BRIP1: variants seen among roughly 807,000 people sequenced by gnomAD.
BRIP1 encodes BRCA1 interacting DNA helicase 1, also known as Fanconi anemia group J protein.
A neutral mutation model predicts 119.7 loss-of-function variants in BRIP1; 88 were observed. The ratio of observed to expected loss-of-function variants is 0.74; its 90% CI spans 0.62 to 0.88. BRIP1 has a LOEUF of 0.88. BRIP1 is among the 40% of genes least tolerant of loss of function. The pLI is 0.00. For synonymous variants in BRIP1, 443 were observed against 496.5 expected, an observed-to-expected ratio of 0.89 and a Z score of 1.43; for missense variants, 1,259 against 1,455.4, an observed-to-expected ratio of 0.87 and a Z score of 2.20.
chr17:61,771,182 T>C (rs2077442785), intron 14 of BRIP1, among the ~76,000 whole-genome samples: 2 of 152,344 alleles, frequency 1.3e-5, no homozygotes, highest in South Asian at 4.1e-4. Flanking sequence ...TCACATATTG[T>C]ATGATTCAAT....
In BRIP1 at chr17:61,757,349, A is replaced by G. The variant is rs528904213; in HGVS notation, c.2098-12758T>C. Among the ~76,000 whole-genome samples the G allele has an allele frequency of 2.0e-5, 3 of 152,336 alleles. No homozygotes were observed. The highest frequency in any genetic ancestry group is 2.0e-4 in the Admixed American group (3 of 15,298). Reference sequence around the variant, plus strand: ...GTTATATTTCAGAATCAAACTTTCAATGAACACAGGTGCAGTTGGAGGTGC... The same window carrying G: ...GTTATATTTCAGAATCAAACTTTCAGTGAACACAGGTGCAGTTGGAGGTGC... On this transcript the variant is annotated intron_variant, in intron 14 of 19. Transcript: ENST00000259008. The surrounding 1 kb of genome is among the most constrained non-coding windows in gnomAD (Gnocchi z 4.3).
At position 61,748,853 on chromosome 17, in the gene BRIP1, G is replaced by A. The variant is rs2077093327; in HGVS notation, c.2098-4262C>T. Among the ~76,000 whole-genome samples the A allele has an allele frequency of 6.6e-6, 1 of 152,140 alleles. No homozygotes were observed. The highest frequency in any genetic ancestry group is 2.1e-4 in the South Asian group (1 of 4,828). On this transcript the variant is annotated intron_variant, in intron 14 of 19. Transcript: ENST00000259008. The surrounding 1 kb of genome is among the most constrained non-coding windows in gnomAD (Gnocchi z 4.7). The stretch of plus-strand genomic sequence containing the variant: ...AGACTTAAATGTAAGATTTCAAACT[G>A]TTGGCTGGGCGCAGTGGCTCATGCC...
Position 61,847,230 on chromosome 17 carries a change from C to T in BRIP1, c.508-10G>A, listed in dbSNP as rs2078749443. 6.2e-7 allele frequency: 1 copy of T among 1,613,652 alleles called. No individual in the cohort carries two copies. Among genetic ancestry groups the T allele is most frequent in the Non-Finnish European group, 8.5e-7 (1 of 1,179,716 alleles). ...AATGACGTTTTCTAATCTGTAAACA[C>T]AGAACCAAAATGAAGTTTAAGGTGA... is the stretch of plus-strand genomic sequence containing the variant. On this transcript the variant is annotated splice_polypyrimidine_tract_variant and intron_variant, in intron 5 of 19. Transcript: ENST00000259008.
Position 61,857,383 on chromosome 17 carries a change from C to A in BRIP1, c.206-152G>T. ...AAGGTACCTGGCAAACCTGGACAAGCTGGTCACTTTATCTGCAGCATCAAA... is the reference window on the plus strand; with the variant it reads ...AAGGTACCTGGCAAACCTGGACAAGATGGTCACTTTATCTGCAGCATCAAA... On this transcript the variant is annotated intron_variant, in intron 3 of 19. Coordinates refer to ENST00000259008, the MANE Select transcript of BRIP1 (RefSeq NM_032043.3). This position sits in a 1 kb window ranked among gnomAD's most constrained non-coding sequence, Gnocchi z 5.1. 1 of 661,886 alleles carries A rather than the reference C, an allele frequency of 1.5e-6. No homozygotes were observed. Among genetic ancestry groups the A allele is most frequent in the South Asian group, 2.3e-5 (1 of 44,292 alleles). 41.0% of individuals were successfully genotyped at this position (661,886 alleles called of 1,614,324 possible).
Position 61,789,157 on chromosome 17 carries a change from C to T in BRIP1, c.1473+4440G>A, listed in dbSNP as rs1006373387. Among the ~76,000 whole-genome samples, 5 of 151,848 alleles carry T rather than the reference C, an allele frequency of 3.3e-5. No homozygotes were observed. Among genetic ancestry groups the T allele is most frequent in the African/African-American group, 1.2e-4 (5 of 41,322 alleles). Reference sequence around the variant, plus strand: ...TAATGCATGCCTGTAGTCCCAGCTACTGAGCAGGCTATGGCAGGAGGATCC... The same window carrying T: ...TAATGCATGCCTGTAGTCCCAGCTATTGAGCAGGCTATGGCAGGAGGATCC... On this transcript the variant is annotated intron_variant, in intron 10 of 19. Transcript: ENST00000259008. The surrounding 1 kb of genome is among the most constrained non-coding windows in gnomAD (Gnocchi z 4.8).
At chr17:61,777,590 C>G (rs1411973447) in intron 13 of BRIP1, among the ~76,000 whole-genome samples, 1 of 152,116 alleles carries the variant, frequency 6.6e-6, no homozygotes, top group African/African-American at 2.4e-5. Flanking sequence ...TTTGGTAGAG[C>G]TGCTCACAGA....
At position 61,745,386 on chromosome 17, in the gene BRIP1, T is replaced by C. The variant is rs753912055; in HGVS notation, c.2098-795A>G. 5.9e-5 allele frequency among the ~76,000 whole-genome samples: 9 copies of C among 152,168 alleles called. No individual in the cohort carries two copies. The highest frequency in any genetic ancestry group is 1.3e-4 in the Non-Finnish European group (9 of 68,010). On this transcript the variant is annotated intron_variant, in intron 14 of 19. Coordinates refer to ENST00000259008, the MANE Select transcript of BRIP1 (RefSeq NM_032043.3). This position sits in a 1 kb window ranked among gnomAD's most constrained non-coding sequence, Gnocchi z 4.4. Reference sequence around the variant, plus strand: ...AAACTCATCTTGATTGATTGATTGATTTTAGAGACAGGGTCTCTGTCACCC... The same window carrying C: ...AAACTCATCTTGATTGATTGATTGACTTTAGAGACAGGGTCTCTGTCACCC...
chr17:61,786,602 A>G, intron 10 of BRIP1, among the ~76,000 whole-genome samples: 1 of 146,660 alleles, frequency 6.8e-6, no homozygotes, highest in South Asian at 2.1e-4. Flanking sequence ...TATAATAAAA[A>G]TATAATATAT....
In BRIP1 at chr17:61,847,110, C is replaced by T. The variant is rs367614726; in HGVS notation, c.618G>A (p.Ser206=). ...NSPLEKINSF[S]PQKPPGHCSR... Reference sequence around the variant, plus strand: ...TGGCATTAATACATACTTTCTGTGGCGAAAAGGAGTTTATCTTTTCCAGTG... The same window carrying T: ...TGGCATTAATACATACTTTCTGTGGTGAAAAGGAGTTTATCTTTTCCAGTG... The change falls in exon 6 of 20, where the codon TCG becomes TCA. Residue 206 remains serine (S), a synonymous_variant. Transcript: ENST00000259008. The T allele has an allele frequency of 3.5e-5, 57 of 1,613,764 alleles. No individual in the cohort carries two copies. The South Asian group carries it at 4.4e-4, about 12-fold the overall frequency.
At chr17:61,859,220 C>T (rs769261644) in intron 3 of BRIP1, among the ~76,000 whole-genome samples, 3 of 149,664 alleles carry the variant, frequency 2.0e-5, no homozygotes, top group Non-Finnish European at 4.4e-5. Context: ...AACAGGTAAG[C>T]AAATATATTA....
chr17:61,836,449 GT>G (rs1301880481), intron 6 of BRIP1, among the ~76,000 whole-genome samples: 9 of 152,078 alleles, frequency 5.9e-5, no homozygotes, highest in Non-Finnish European at 1.3e-4. Context: ...TAAGTCACCT[GT>G]ATTTAACAAT....
At position 61,793,984 on chromosome 17, in the gene BRIP1, G is replaced by A. The variant is rs2077861747; in HGVS notation, c.1341-255C>T. Among the ~76,000 whole-genome samples the A allele has an allele frequency of 6.6e-6, 1 of 152,090 alleles. No homozygotes were observed. Among genetic ancestry groups the A allele is most frequent in the South Asian group, 2.1e-4 (1 of 4,820 alleles). On this transcript the variant is annotated intron_variant, in intron 9 of 19. Transcript: ENST00000259008. This position sits in a 1 kb window ranked among gnomAD's most constrained non-coding sequence, Gnocchi z 5.2. Reference sequence around the variant, plus strand: ...CATATGATTTCCCACTTGTTTTGTGGATTCACATTGCTTTACTTAGCTAAT... The same window carrying A: ...CATATGATTTCCCACTTGTTTTGTGAATTCACATTGCTTTACTTAGCTAAT...
At chr17:61,781,803 C>T (rs534986402) in intron 11 of BRIP1, among the ~76,000 whole-genome samples, 1 of 151,520 alleles carries the variant, frequency 6.6e-6, no homozygotes, top group Admixed American at 6.6e-5. Context: ...CGCCTGTAAC[C>T]CCAGCTACTC....
rs1424168375 is a variant in BRIP1, at chr17:61,700,661, A to G, written c.2493-7149T>C. ...AGTTCATCCTACTTGGAGTTCGCTTATCTTCTTGGATGTATAAATTAACGT... is the reference window on the plus strand; with the variant it reads ...AGTTCATCCTACTTGGAGTTCGCTTGTCTTCTTGGATGTATAAATTAACGT... On this transcript the variant is annotated intron_variant, in intron 17 of 19. Transcript: ENST00000259008. The surrounding 1 kb of genome is among the most constrained non-coding windows in gnomAD (Gnocchi z 4.1). Among the ~76,000 whole-genome samples the G allele has an allele frequency of 2.0e-5, 3 of 152,122 alleles. No individual in the cohort carries two copies. The highest frequency in any genetic ancestry group is 7.2e-5 in the African/African-American group (3 of 41,416).
intron 16 of BRIP1, among the ~76,000 whole-genome samples, chr17:61,741,715 T>C (rs1330555356): frequency 6.6e-6 from 1 of 152,218 alleles, no homozygotes; most frequent in East Asian, 1.9e-4. Context: ...ATAATGGACT[T>C]AAAATATTCA....
chr17:61,832,528 G>GCAA lies in BRIP1; in HGVS notation c.627+14570_627+14572dup, dbSNP rs1370183104. 1.3e-5 allele frequency among the ~76,000 whole-genome samples: 2 copies of GCAA among 152,176 alleles called. No homozygotes were observed. Among genetic ancestry groups the GCAA allele is most frequent in the Non-Finnish European group, 2.9e-5 (2 of 68,020 alleles). Reference sequence around the variant, plus strand: ...GAAACTGCGTGCCACCTTATAAGATGCAATGAGCAGAAGGCATCACTTCTG... The same window carrying GCAA: ...GAAACTGCGTGCCACCTTATAAGATGCAACAATGAGCAGAAGGCATCACTTCTG... On this transcript the variant is annotated intron_variant, in intron 6 of 19. Transcript: ENST00000259008. The surrounding 1 kb of genome is among the most constrained non-coding windows in gnomAD (Gnocchi z 5.5).
intron 6 of BRIP1, among the ~76,000 whole-genome samples, chr17:61,811,566 G>A (rs1469185504): frequency 6.6e-6 from 1 of 151,906 alleles, no homozygotes; most frequent in African/African-American, 2.4e-5. Flanking sequence ...TAAGGTATAA[G>A]GTGGAAATTA....
Position 61,849,284 on chromosome 17 carries a change from C to T in BRIP1, c.380-28G>A, listed in dbSNP as rs4988343. ...TATATAAGTAATTTAAAAAAAACAG[C>T]ATAAATAACTTACAGGTAGGCAATT... is the stretch of plus-strand genomic sequence containing the variant. On this transcript the variant is annotated intron_variant, in intron 4 of 19. Transcript: ENST00000259008. 17,935 of 1,598,142 alleles carry T rather than the reference C, an allele frequency of 0.011. 125 individuals carry two copies. The highest frequency in any genetic ancestry group is 0.014 in the Middle Eastern group (73 of 5,382).
At chr17:61,733,864 GT>G (rs35819624) in intron 16 of BRIP1, among the ~76,000 whole-genome samples, 110,772 of 151,874 alleles carry the variant, frequency 0.73, 41,008 homozygotes, top group Middle Eastern at 0.82. Context: ...TTTAATCATT[GT>G]AAGGGCACTT....
Sources: gnomAD v4.1 joint callset for allele counts (sites outside exome capture counted in the v4.1 genomes callset) on GRCh38, gnomAD v4.1.1 for gene constraint, Gnocchi (gnomAD v3.1) non-coding constraint, MANE v1.5 for transcripts, NCBI Gene and HGNC (gene_info 2026-07-23, HGNC 2026-07-21) for gene names.